REV3L: variants seen among roughly 807,000 people sequenced by gnomAD.
REV3L encodes REV3 like, DNA directed polymerase zeta catalytic subunit.
REV3L carries 69 observed loss-of-function variants against 299.4 expected under a neutral mutation model. The observed-to-expected ratio is 0.23, with a 90% confidence interval of 0.19 to 0.28. The LOEUF is 0.28. Among genes scored for constraint, REV3L ranks in the 10% least tolerant of loss-of-function variants. The pLI, the probability that REV3L is intolerant of heterozygous loss-of-function variation, is 1.00. For missense variants in REV3L, 3,128 were observed against 3,693.8 expected (o/e 0.85, Z 3.97); for synonymous variants, 1,238 against 1,271.4 (o/e 0.97, Z 0.56).
intron 18 of REV3L, among the ~76,000 whole-genome samples, chr6:111,354,612 T>A (rs188841855): frequency 1.9e-4 from 29 of 152,294 alleles, no homozygotes; most frequent in African/African-American, 7.0e-4. Flanking sequence ...GTTTTCAAGT[T>A]CAAAAGCCAA....
intron 14 of REV3L, among the ~76,000 whole-genome samples, chr6:111,366,462 T>G (rs1779223399): frequency 6.6e-6 from 1 of 151,950 alleles, no homozygotes; most frequent in Non-Finnish European, 1.5e-5. Flanking sequence ...AGATAACAAC[T>G]GAGAATAATG....
chr6:111,383,772 T>C (rs1486647166), intron 9 of REV3L, among the ~76,000 whole-genome samples: 4 of 152,010 alleles, frequency 2.6e-5, no homozygotes, highest in African/African-American at 9.7e-5. Flanking sequence ...CTAAAATTTA[T>C]AAGGAACCAC....
At chr6:111,422,625 TATATACAC>T (rs1785588386) in intron 1 of REV3L, among the ~76,000 whole-genome samples, 4 of 27,840 alleles carry the variant, frequency 1.4e-4, no homozygotes, top group East Asian at 4.9e-4. Flanking sequence ...CATATATATA[TATATACAC>T]ATATATATAT....
At chr6:111,439,511 A>T (rs1787985878) in intron 1 of REV3L, among the ~76,000 whole-genome samples, 1 of 152,242 alleles carries the variant, frequency 6.6e-6, no homozygotes, top group Non-Finnish European at 1.5e-5. Flanking sequence ...AGCATTCTAC[A>T]GTCATTCAAC....
intron 1 of REV3L, among the ~76,000 whole-genome samples, chr6:111,455,075 A>C (rs1790014075): frequency 6.6e-6 from 1 of 152,238 alleles, no homozygotes; most frequent in South Asian, 2.1e-4. Flanking sequence ...GGCAAGTCAG[A>C]CATGTTAAAA....
intron 1 of REV3L, among the ~76,000 whole-genome samples, chr6:111,449,799 T>C (rs541999800): frequency 6.6e-6 from 1 of 152,120 alleles, no homozygotes; most frequent in African/African-American, 2.4e-5. Flanking sequence ...AAATCCACCA[T>C]GCCTGGAATC....
At chr6:111,404,856 A>G (rs1009863429) in intron 4 of REV3L, among the ~76,000 whole-genome samples, 3 of 152,194 alleles carry the variant, frequency 2.0e-5, no homozygotes, top group African/African-American at 4.8e-5. Flanking sequence ...CACACAAAGA[A>G]AAATAACAAT....
chr6:111,389,476 T>G (rs571896938), intron 6 of REV3L, among the ~76,000 whole-genome samples: 2 of 152,166 alleles, frequency 1.3e-5, no homozygotes, highest in Non-Finnish European at 2.9e-5. Context: ...TGATATATAA[T>G]ATGAAAATTA....
At chr6:111,425,442 G>A (rs1018228085) in intron 1 of REV3L, among the ~76,000 whole-genome samples, 1 of 152,166 alleles carries the variant, frequency 6.6e-6, no homozygotes, top group Non-Finnish European at 1.5e-5. Flanking sequence ...CTGGGCGACA[G>A]AGTGGGACTC....
chr6:111,388,169 G>T, intron 7 of REV3L, 84 bp from the exon 8 acceptor site: 1 of 882,636 alleles, frequency 1.1e-6, no homozygotes, highest in Non-Finnish European at 1.8e-6. Flanking sequence ...CTTTAAAAAT[G>T]GTGGCAATTT....
chr6:111,307,346 G>C lies in REV3L; in HGVS notation c.9252+15C>G. On this transcript the variant is annotated intron_variant, in intron 31 of 31. Transcript: ENST00000368802. ...AGACTGCTTGTGATTCTGGGCCCAT[G>C]GAACAAAACTGTACCTTTACAAGTT... is the stretch of plus-strand genomic sequence containing the variant. 6.2e-7 allele frequency: 1 copy of C among 1,610,506 alleles called. No individual in the cohort carries two copies. The highest frequency in any genetic ancestry group is 1.1e-5 in the South Asian group (1 of 90,998).
At position 111,310,072 on chromosome 6, in the gene REV3L, A is replaced by G. The variant is rs924536314; in HGVS notation, c.8823T>C (p.Ser2941=). The G allele has an allele frequency of 1.9e-6, 3 of 1,584,832 alleles. No individual in the cohort carries two copies. In the African/African-American group the frequency reaches 4.1e-5, roughly 21 times the overall value. ...GCACTCGCTCCCCAACCTGAGGCTC[A>G]GAGCGCCGGTCATAAGTCAGCATTT... ...TRKMLTYDRR[S]EPQVGERVPY... is the part of the protein sequence containing the mutation. The change falls in exon 30 of 32, where the codon TCT becomes TCC. Residue 2941 remains serine (S), a synonymous_variant. Transcript: ENST00000368802.
intron 2 of REV3L, among the ~76,000 whole-genome samples, chr6:111,414,104 GTAAA>G (rs1554225668): frequency 6.6e-6 from 1 of 151,858 alleles, no homozygotes; most frequent in Non-Finnish European, 1.5e-5. Context: ...TAAAAATTAA[GTAAA>G]TAAATAAAAA....
chr6:111,335,679 T>C (rs1243027403), intron 21 of REV3L, 69 bp from the exon 22 acceptor site: 1 of 1,478,306 alleles, frequency 6.8e-7, no homozygotes, highest in African/African-American at 1.4e-5. Flanking sequence ...GTACTTTTTT[T>C]CCTGCCAAAA....
intron 16 of REV3L, chr6:111,361,282 G>A (rs1778625884): frequency 6.6e-6 from 1 of 152,084 alleles, no homozygotes; most frequent in Non-Finnish European, 1.5e-5. Context: ...TACTAGGGAG[G>A]CTGAGGCAGG....
chr6:111,351,789 T>A lies in REV3L; in HGVS notation c.7187A>T (p.Tyr2396Phe). 7 of 1,600,262 alleles carry A rather than the reference T, an allele frequency of 4.4e-6. No homozygotes were observed. Among genetic ancestry groups the A allele is most frequent in the Non-Finnish European group, 6.0e-6 (7 of 1,169,266 alleles). ...FHEIANIIKR[Y>F]DPDILLGYEI... ...ATATCCTAGCAGAATATCAGGATCA[T>A]ACCTAAAAAAGGAATTTAAAAAAGT... The change falls in exon 19 of 32, where the codon TAT (tyrosine) becomes TTT (phenylalanine). Residue 2396 changes from tyrosine to phenylalanine, a missense_variant and splice_region_variant. Physicochemically the swap from Tyr to Phe is conservative, Grantham distance 22. This residue lies in a region of REV3L where 82 missense variants were observed against 142.7 expected (regional missense o/e 0.57). Transcript: ENST00000368802.
intron 1 of REV3L, among the ~76,000 whole-genome samples, chr6:111,463,738 GA>G (rs1171888944): frequency 1.3e-5 from 2 of 151,896 alleles, no homozygotes; most frequent in East Asian, 3.9e-4. Context: ...ATAACAATGA[GA>G]AAAAAACGGT....
intron 1 of REV3L, among the ~76,000 whole-genome samples, chr6:111,449,506 T>A (rs1172195931): frequency 1.3e-5 from 2 of 152,016 alleles, no homozygotes; most frequent in Non-Finnish European, 2.9e-5. Context: ...AATAAGTAAC[T>A]AAAATGGGCA....
At chr6:111,323,977 G>T (rs1322909648) in intron 25 of REV3L, among the ~76,000 whole-genome samples, 2 of 151,902 alleles carry the variant, frequency 1.3e-5, no homozygotes, top group Non-Finnish European at 2.9e-5. Flanking sequence ...AAACGAGTTG[G>T]GATTTATTTA....
Sources: allele counts gnomAD v4.1 joint callset (sites outside exome capture counted in the v4.1 genomes callset), GRCh38; gene constraint gnomAD v4.1.1; regional missense constraint gnomAD v4.1.1; transcripts MANE v1.5; gene names NCBI Gene and HGNC (gene_info 2026-07-23, HGNC 2026-07-21).